Variants in MELTF observed in about 807,000 individuals in gnomAD.
MELTF encodes melanotransferrin, also known as antigen p97 (melanoma associated) identified by monoclonal antibodies 133.2 and 96.5.
Under a neutral mutation model 83.7 loss-of-function variants are expected in MELTF, and 67 were observed. The observed-to-expected ratio is 0.80, with a 90% confidence interval of 0.66 to 0.98. MELTF has a LOEUF of 0.98. Ranked by LOEUF, MELTF falls within the 50% of genes least tolerant of loss-of-function variation. The pLI is 0.00. For missense variants in MELTF, 1,002 were observed against 1,035.6 expected (o/e 0.97, Z 0.44); for synonymous variants, 462 against 447.6 (o/e 1.03, Z -0.41).
At position 197,029,474 on chromosome 3, in the gene MELTF, C is replaced by T. The variant is rs1577952784; in HGVS notation, c.49+180G>A. On this transcript the variant is annotated intron_variant, in intron 1 of 15. Transcript: ENST00000296350. This position sits in a 1 kb window ranked among gnomAD's most constrained non-coding sequence, Gnocchi z 6.5. ...CTCCAAGAAGCCTTCCAGACTTCCC[C>T]GTCTGCGCTTCAGTGCTAGTTCCCT... is the stretch of plus-strand genomic sequence containing the variant. 6.6e-6 allele frequency among the ~76,000 whole-genome samples: 1 copy of T among 152,166 alleles called. No homozygotes were observed.
intron 8 of MELTF, 102 bp downstream of exon 8, chr3:197,016,087 T>A (rs1452565374): frequency 1.9e-6 from 2 of 1,073,306 alleles, no homozygotes; most frequent in East Asian, 5.8e-5. Context: ...CGCAGAGGCC[T>A]CCCTGGTGAG....
At position 197,027,949 on chromosome 3, in the gene MELTF, TGCCC is replaced by T. The variant is rs752104386; in HGVS notation, c.50-43_50-40del. ...ACCGTGAGGCCCGGCTCCCCCGCCC[TGCCC>T]AGCCCCGGCCCACCATGGAGGGTGG... On this transcript the variant is annotated intron_variant, in intron 1 of 15. Coordinates refer to ENST00000296350, the MANE Select transcript of MELTF (RefSeq NM_005929.6). 2.1e-4 allele frequency: 317 copies of T among 1,514,596 alleles called. 2 individuals are homozygous for T. In the African/African-American group the frequency reaches 3.9e-3, roughly 19 times the overall value. The allele number at this position is 1,514,596 out of a possible 1,614,324, so 93.8% of individuals were successfully genotyped here.
intron 6 of MELTF, chr3:197,018,898 C>T (rs1719506830): frequency 1.0e-6 from 1 of 978,918 alleles, no homozygotes; most frequent in Non-Finnish European, 1.2e-6. Flanking sequence ...CTATTAACAC[C>T]AAACAGGGAT....
chr3:197,024,491 AG>A lies in MELTF; in HGVS notation c.305-7del. 6.4e-7 allele frequency: 1 copy of A among 1,564,788 alleles called. No individual in the cohort carries two copies. The highest frequency in any genetic ancestry group is 8.7e-7 in the Non-Finnish European group (1 of 1,147,410). On this transcript the variant is annotated splice_polypyrimidine_tract_variant and splice_region_variant and intron_variant, in intron 3 of 15. Transcript: ENST00000296350. This position sits in a 1 kb window ranked among gnomAD's most constrained non-coding sequence, Gnocchi z 5.3. ...GTAATAGGAGGTACCGACCTCTAGG[AG>A]GGGAGGGGAGTGGGTGAGGGCAGCA...
At chr3:197,017,736 G>T (rs1433324680) in intron 6 of MELTF, among the ~76,000 whole-genome samples, 1 of 152,132 alleles carries the variant, frequency 6.6e-6, no homozygotes, top group Non-Finnish European at 1.5e-5. Context: ...AATTAGCTGG[G>T]CGTGGTGGCG....
chr3:197,004,096 G>C lies in MELTF; in HGVS notation c.1942C>G (p.Leu648Val). Residue 648 changes from leucine (L) to valine (V), a missense_variant, in exon 15 of 16, where the codon CTG becomes GTG. Physicochemically the swap from Leu to Val is conservative, Grantham distance 32. Transcript: ENST00000296350. The part of the protein sequence containing the change: ...VYGLLDKAQD[L>V]FGDDHNKNGF... ...TTCTTATTGTGGTCGTCTCCAAACA[G>C]GTCCTGGAAGCACCGCAGGCAGACG... The C allele has an allele frequency of 6.2e-7, 1 of 1,614,106 alleles. No individual in the cohort carries two copies.
chr3:197,002,760 A>C lies in MELTF; in HGVS notation c.*612T>G, dbSNP rs1218037680. On this transcript the variant is annotated 3_prime_UTR_variant, in exon 16 of 16. Coordinates refer to ENST00000296350, the MANE Select transcript of MELTF (RefSeq NM_005929.6). ...GCCACAGTGGGGGACGAGGCAGGGC[A>C]CGCGGCGTTCCCCGGGCTCGGCCTC... The C allele has an allele frequency of 1.3e-5, 2 of 152,266 alleles. No individual in the cohort carries two copies. Among genetic ancestry groups the C allele is most frequent in the African/African-American group, 4.8e-5 (2 of 41,448 alleles). The allele number at this position is 152,266 out of a possible 1,614,324, so 9.4% of individuals were successfully genotyped here.
chr3:197,004,173 G>A (rs1340613799), intron 14 of MELTF, 74 bp from the exon 15 acceptor site: 4 of 1,415,534 alleles, frequency 2.8e-6, no homozygotes, highest in South Asian at 2.3e-5. Context: ...GCCGCTAGCT[G>A]CAAATTGCTT....
intron 3 of MELTF, among the ~76,000 whole-genome samples, chr3:197,025,355 C>A (rs572635482): frequency 2.6e-4 from 40 of 152,376 alleles, no homozygotes; most frequent in African/African-American, 9.6e-4. Flanking sequence ...GTACCATCCT[C>A]TGACTCACCC....
rs187676756 is a variant in MELTF, at chr3:197,006,742, G to A, written c.1751-6C>T. ...CCAGGGCTCGGAATTGTGGCCTGAG[G>A]GGGGTAAAGCAGTGTGTGTGGGGAC... On this transcript the variant is annotated splice_polypyrimidine_tract_variant and splice_region_variant and intron_variant, in intron 13 of 15. Transcript: ENST00000296350. The surrounding 1 kb of genome is among the most constrained non-coding windows in gnomAD (Gnocchi z 5.4). 2.6e-6 allele frequency: 4 copies of A among 1,527,212 alleles called. No individual in the cohort carries two copies. The highest frequency in any genetic ancestry group is 1.3e-5 in the South Asian group (1 of 77,104). 94.6% of individuals were successfully genotyped at this position (1,527,212 alleles called of 1,614,324 possible).
At chr3:197,019,906 G>C in intron 6 of MELTF, 5 of 1,417,178 alleles carry the variant, frequency 3.5e-6, no homozygotes, top group Non-Finnish European at 4.6e-6. Context: ...AGACAGAACG[G>C]TGTGTTTGCT....
At chr3:197,014,216 G>A (rs1412313668) in intron 9 of MELTF, among the ~76,000 whole-genome samples, 3 of 152,098 alleles carry the variant, frequency 2.0e-5, no homozygotes, top group African/African-American at 4.8e-5. Flanking sequence ...CAACACGGAC[G>A]GAACTGGGGG....
In MELTF at chr3:197,003,637, T is replaced by C; in HGVS notation, c.2138-186A>G. On this transcript the variant is annotated intron_variant, in intron 15 of 15. Transcript: ENST00000296350. This position sits in a 1 kb window ranked among gnomAD's most constrained non-coding sequence, Gnocchi z 6.2. ...TCCAGAAAGGCAGCACACGCATGTCTCTGCCGTGGCCCCAGATCCTCCCCG... is the reference window on the plus strand; with the variant it reads ...TCCAGAAAGGCAGCACACGCATGTCCCTGCCGTGGCCCCAGATCCTCCCCG... The C allele has an allele frequency of 1.5e-6, 1 of 660,366 alleles. No individual in the cohort carries two copies. The highest frequency in any genetic ancestry group is 2.5e-6 in the Non-Finnish European group (1 of 401,220). 40.9% of individuals were successfully genotyped at this position (660,366 alleles called of 1,614,324 possible). A position where few individuals can be genotyped will look rare whatever the true frequency, so the allele number is the denominator to read the frequency against.
At chr3:197,012,201 C>A (rs778059336) in intron 9 of MELTF, among the ~76,000 whole-genome samples, 2 of 152,158 alleles carry the variant, frequency 1.3e-5, no homozygotes, top group Non-Finnish European at 2.9e-5. Flanking sequence ...CTCCTGAGAT[C>A]CAGAAGTGTG....
chr3:197,021,915 G>A (rs1398670435), intron 5 of MELTF, among the ~76,000 whole-genome samples: 2 of 152,126 alleles, frequency 1.3e-5, no homozygotes, highest in Admixed American at 1.3e-4. Flanking sequence ...GTGCAGTGGC[G>A]CAATCATAGC....
chr3:197,010,581 A>G (rs1200994252), intron 10 of MELTF, 117 bp downstream of exon 10: 14 of 826,774 alleles, frequency 1.7e-5, no homozygotes, highest in Non-Finnish European at 2.5e-5. Flanking sequence ...ACAGGCAGCC[A>G]CTATCCCCAG....
At chr3:197,018,373 G>T (rs1182839392) in intron 6 of MELTF, among the ~76,000 whole-genome samples, 2 of 151,910 alleles carry the variant, frequency 1.3e-5, no homozygotes, top group Non-Finnish European at 2.9e-5. Flanking sequence ...GGATGGTCTT[G>T]ATCTCCTGAC....
intron 9 of MELTF, among the ~76,000 whole-genome samples, chr3:197,012,996 T>C (rs1719240851): frequency 6.6e-6 from 1 of 152,278 alleles, no homozygotes; most frequent in Non-Finnish European, 1.5e-5. Flanking sequence ...ATGCAAAATG[T>C]ATTCTGAGTG....
intron 6 of MELTF, among the ~76,000 whole-genome samples, chr3:197,020,214 T>C (rs562310615): frequency 1.3e-5 from 2 of 152,078 alleles, no homozygotes; most frequent in Non-Finnish European, 2.9e-5. Context: ...TGTTCCAAGA[T>C]AAAGGAAAGT....
Sources: allele counts gnomAD v4.1 joint callset (sites outside exome capture counted in the v4.1 genomes callset), GRCh38; gene constraint gnomAD v4.1.1; non-coding constraint Gnocchi (gnomAD v3.1); transcripts MANE v1.5; gene names NCBI Gene and HGNC (gene_info 2026-07-23, HGNC 2026-07-21).